Variants in GRM5 observed in about 807,000 individuals in gnomAD.
The protein encoded by GRM5 is glutamate metabotropic receptor 5, also known as metabotropic glutamate receptor 5.
A neutral mutation model predicts 83.1 loss-of-function variants in GRM5; 19 were observed. That is an observed-to-expected ratio of 0.23 (90% CI 0.16 to 0.34). GRM5 has a LOEUF of 0.34. Among genes scored for constraint, GRM5 ranks in the 10% least tolerant of loss-of-function variants. The pLI is 1.00. For synonymous variants in GRM5, 675 were observed against 633.6 expected (o/e 1.07, Z -0.98); for missense variants, 1,160 against 1,588.3 (o/e 0.73, Z 4.58).
At chr11:88,990,037 C>A (rs1300151874) in intron 2 of GRM5, among the ~76,000 whole-genome samples, 2 of 151,488 alleles carry the variant, frequency 1.3e-5, no homozygotes, top group Non-Finnish European at 2.9e-5. Flanking sequence ...GAAGTAGAGA[C>A]ACAAAAAACT....
At chr11:88,839,081 AC>A (rs1944145565) in intron 3 of GRM5, among the ~76,000 whole-genome samples, 1 of 152,016 alleles carries the variant, frequency 6.6e-6, no homozygotes, top group Non-Finnish European at 1.5e-5. Flanking sequence ...TTTAAATGCC[AC>A]CCCTTCCCAC....
intron 4 of GRM5, among the ~76,000 whole-genome samples, chr11:88,630,172 C>G (rs1414425228): frequency 2.0e-5 from 3 of 152,112 alleles, no homozygotes; most frequent in Non-Finnish European, 4.4e-5. Context: ...TAAATCCTAT[C>G]TCCCTGATTT....
At chr11:88,782,556 C>T (rs576326906) in intron 3 of GRM5, among the ~76,000 whole-genome samples, 1 of 152,252 alleles carries the variant, frequency 6.6e-6, no homozygotes, top group African/African-American at 2.4e-5. Flanking sequence ...GGGACACAGT[C>T]AAACCATATC....
At chr11:88,597,650 C>T (rs1275114067) in intron 5 of GRM5, among the ~76,000 whole-genome samples, 1 of 152,052 alleles carries the variant, frequency 6.6e-6, no homozygotes, top group East Asian at 1.9e-4. Context: ...TAAACGAGTA[C>T]TGTTAGGCTT....
intron 3 of GRM5, among the ~76,000 whole-genome samples, chr11:88,656,582 G>A (rs147987982): frequency 1.1e-3 from 173 of 152,008 alleles, no homozygotes; most frequent in Admixed American, 8.5e-3. Context: ...TCTATTTAGC[G>A]CCATCTTTTG....
At chr11:88,921,257 T>C (rs1945688271) in intron 2 of GRM5, among the ~76,000 whole-genome samples, 1 of 152,174 alleles carries the variant, frequency 6.6e-6, no homozygotes, top group Non-Finnish European at 1.5e-5. Flanking sequence ...GATAAAACAA[T>C]ATGATCATCT....
intron 2 of GRM5, among the ~76,000 whole-genome samples, chr11:88,850,523 C>T (rs1174268436): frequency 1.3e-5 from 2 of 151,758 alleles, no homozygotes; most frequent in Non-Finnish European, 2.9e-5. Flanking sequence ...TCATTAATGA[C>T]AATTTCATCC....
At chr11:88,724,439 G>A (rs950117509) in intron 3 of GRM5, among the ~76,000 whole-genome samples, 1 of 152,060 alleles carries the variant, frequency 6.6e-6, no homozygotes, top group African/African-American at 2.4e-5. Context: ...TTATTGCACA[G>A]TTCTTAACTT....
At chr11:89,010,489 A>G (rs1409370648) in intron 2 of GRM5, among the ~76,000 whole-genome samples, 1 of 152,214 alleles carries the variant, frequency 6.6e-6, no homozygotes, top group East Asian at 1.9e-4. Flanking sequence ...TGAAGGTATC[A>G]TGTGGCCACC....
intron 2 of GRM5, among the ~76,000 whole-genome samples, chr11:88,930,001 G>A (rs1937652058): frequency 6.6e-6 from 1 of 152,038 alleles, no homozygotes; most frequent in Non-Finnish European, 1.5e-5. Flanking sequence ...AAATTTGTTA[G>A]GCAGAAAAAA....
At chr11:88,609,471 T>C (rs1938257910) in intron 4 of GRM5, among the ~76,000 whole-genome samples, 1 of 152,180 alleles carries the variant, frequency 6.6e-6, no homozygotes, top group African/African-American at 2.4e-5. Flanking sequence ...AGCACTGTGA[T>C]GAACATATAA....
chr11:88,743,177 G>A (rs1942062827), intron 3 of GRM5, among the ~76,000 whole-genome samples: 2 of 152,074 alleles, frequency 1.3e-5, no homozygotes, highest in South Asian at 4.1e-4. Context: ...CAGTTTTAAG[G>A]GAAAAGGGTG....
At chr11:88,635,899 T>A (rs1047471881) in intron 4 of GRM5, among the ~76,000 whole-genome samples, 22 of 152,228 alleles carry the variant, frequency 1.4e-4, no homozygotes, top group Non-Finnish European at 2.9e-4. Flanking sequence ...TTTTTCCACA[T>A]GTGGATATCC....
intron 3 of GRM5, among the ~76,000 whole-genome samples, chr11:88,758,173 A>T (rs1381187243): frequency 1.8e-4 from 27 of 152,216 alleles, no homozygotes; most frequent in Admixed American, 1.7e-3. Flanking sequence ...AGAAAGGCAG[A>T]GTGCCTTCTT....
chr11:88,952,251 T>C (rs138358461), intron 2 of GRM5, among the ~76,000 whole-genome samples: 2,593 of 152,328 alleles, frequency 0.017, 75 homozygotes, highest in African/African-American at 0.06. Context: ...AAATCTCCTA[T>C]ACATCTTTCA....
At chr11:88,754,757 C>CT (rs1303074643) in intron 3 of GRM5, among the ~76,000 whole-genome samples, 1 of 152,016 alleles carries the variant, frequency 6.6e-6, no homozygotes. Context: ...ATTTTTCCAC[C>CT]TTTTTATCCC....
At chr11:88,903,866 C>T (rs1194066805) in intron 2 of GRM5, among the ~76,000 whole-genome samples, 2 of 152,180 alleles carry the variant, frequency 1.3e-5, no homozygotes, top group East Asian at 1.9e-4. Flanking sequence ...AGGGATATAA[C>T]AAAATTATAC....
chr11:88,687,551 C>T (rs1181189089), intron 3 of GRM5, among the ~76,000 whole-genome samples: 307 of 6,796 alleles, frequency 0.045, 5 homozygotes, highest in South Asian at 0.19. Flanking sequence ...CACACACACA[C>T]ACATATATAT....
chr11:88,559,251 AG>A (rs1326657627), intron 8 of GRM5, among the ~76,000 whole-genome samples: 2 of 152,132 alleles, frequency 1.3e-5, no homozygotes, highest in Non-Finnish European at 2.9e-5. Flanking sequence ...ATAAAGATGC[AG>A]GGAGCAGTTT....
Sources: allele counts gnomAD v4.1 joint callset (sites outside exome capture counted in the v4.1 genomes callset), GRCh38; gene constraint gnomAD v4.1.1; transcripts MANE v1.5; gene names NCBI Gene and HGNC (gene_info 2026-07-23, HGNC 2026-07-21).